Variants in ZFR2 observed in about 807,000 individuals in gnomAD.
The protein encoded by ZFR2 is zinc finger RNA binding protein 2.
In ZFR2, 104 loss-of-function variants were observed where a neutral mutation model predicts 105.7. That is an observed-to-expected ratio of 0.98 (90% CI 0.84 to 1.16). The LOEUF is 1.16. ZFR2 is among the 50% of genes most tolerant of loss of function. ZFR2 has a pLI of 0.00. For synonymous variants in ZFR2, 634 were observed against 597.7 expected, an observed-to-expected ratio of 1.06 and a Z score of -0.89; for missense variants, 1,425 against 1,355.5, an observed-to-expected ratio of 1.05 and a Z score of -0.80.
rs747011367 is a variant in ZFR2 at position 3,834,445 on chromosome 19, G to A, written c.264+328C>T. On this transcript the variant is annotated intron_variant, in intron 2 of 18. Transcript: ENST00000262961. The surrounding 1 kb of genome is among the most constrained non-coding windows in gnomAD (Gnocchi z 5.3). ...GGCCGAGGCCATCTGCCCTGACCAGGGAGGGGTCCTGTAACCCAGGCGACC... is the reference window on the plus strand; with the variant it reads ...GGCCGAGGCCATCTGCCCTGACCAGAGAGGGGTCCTGTAACCCAGGCGACC... Among the ~76,000 whole-genome samples, 1 of 152,132 alleles carries A rather than the reference G, an allele frequency of 6.6e-6. No homozygotes were observed. Among genetic ancestry groups the A allele is most frequent in the Non-Finnish European group, 1.5e-5 (1 of 68,014 alleles).
intron 1 of ZFR2, among the ~76,000 whole-genome samples, chr19:3,857,342 A>T (rs1427785147): frequency 6.6e-6 from 1 of 152,026 alleles, no homozygotes. Flanking sequence ...CACGGCCTGC[A>T]GGCTGTCAAT....
At chr19:3,812,384 A>C (rs1279202571) in intron 14 of ZFR2, among the ~76,000 whole-genome samples, 1 of 152,120 alleles carries the variant, frequency 6.6e-6, no homozygotes, top group Non-Finnish European at 1.5e-5. Flanking sequence ...CCGACCTAAA[A>C]AGGGAGTTTT....
chr19:3,815,065 C>T (rs1463179822), intron 13 of ZFR2, among the ~76,000 whole-genome samples: 1 of 152,124 alleles, frequency 6.6e-6, no homozygotes, highest in Admixed American at 6.6e-5. Flanking sequence ...GAAGGAACGA[C>T]TCTGGGGACT....
Position 3,819,104 on chromosome 19 carries a change from C to T in ZFR2, c.1872G>A (p.Val624=). ...VSHAERALKL[V]SDTLAEEDRG... is the part of the protein sequence containing the mutation. ...GGTCCTCCTCGGCCAGTGTGTCGGA[C>T]ACCAGCTTGAGGGCCCGCTCTGCGT... Residue 624 remains valine, a synonymous_variant, in exon 12 of 19, where the codon GTG becomes GTA. Coordinates refer to ENST00000262961, the MANE Select transcript of ZFR2 (RefSeq NM_015174.2). 6.2e-7 allele frequency: 1 copy of T among 1,612,404 alleles called. No homozygotes were observed. The highest frequency in any genetic ancestry group is 8.5e-7 in the Non-Finnish European group (1 of 1,179,786).
chr19:3,811,811 A>G (rs1220693158), intron 14 of ZFR2, among the ~76,000 whole-genome samples: 1 of 151,732 alleles, frequency 6.6e-6, no homozygotes, highest in Non-Finnish European at 1.5e-5. Context: ...CCCAGGCTGG[A>G]GTGCAGTGGT....
chr19:3,855,068 A>C (rs1287610025), intron 1 of ZFR2, among the ~76,000 whole-genome samples: 1 of 151,432 alleles, frequency 6.6e-6, no homozygotes, highest in African/African-American at 2.4e-5. Flanking sequence ...CTAATTTTTT[A>C]AATTTTTGGT....
In ZFR2 at chr19:3,805,656, C is replaced by A. The variant is rs1040162479; in HGVS notation, c.*293G>T. 2 of 331,874 alleles carry A rather than the reference C, an allele frequency of 6.0e-6. No homozygotes were observed. Among genetic ancestry groups the A allele is most frequent in the Non-Finnish European group, 1.1e-5 (2 of 183,194 alleles). 20.6% of individuals were successfully genotyped at this position (331,874 alleles called of 1,614,324 possible). A position where few individuals can be genotyped will look rare whatever the true frequency, so the allele number is the denominator to read the frequency against. On this transcript the variant is annotated 3_prime_UTR_variant, in exon 19 of 19. Coordinates refer to ENST00000262961, the MANE Select transcript of ZFR2 (RefSeq NM_015174.2). ...GTGAATCACCGCGCCTGGCCACCAACCATGCCAAGCTGATTTTTAAAAATA... is the reference window on the plus strand; with the variant it reads ...GTGAATCACCGCGCCTGGCCACCAAACATGCCAAGCTGATTTTTAAAAATA...
At position 3,813,978 on chromosome 19, in the gene ZFR2, C is replaced by T; in HGVS notation, c.2104-20G>A. 6.2e-7 allele frequency: 1 copy of T among 1,613,132 alleles called. No homozygotes were observed. The highest frequency in any genetic ancestry group is 8.5e-7 in the Non-Finnish European group (1 of 1,179,566). ...CACCATCTGGGAGGGGTAAATACAA[C>T]ACAAGGCCACCTTACTGCAGCCCAG... is the stretch of plus-strand genomic sequence containing the variant. On this transcript the variant is annotated intron_variant, in intron 13 of 18. Transcript: ENST00000262961. This position sits in a 1 kb window ranked among gnomAD's most constrained non-coding sequence, Gnocchi z 4.4.
chr19:3,864,244 G>A (rs1322352816), intron 1 of ZFR2, among the ~76,000 whole-genome samples: 1 of 152,056 alleles, frequency 6.6e-6, no homozygotes, highest in Non-Finnish European at 1.5e-5. Context: ...AGGCATGGTG[G>A]TGCGCACCTG....
At chr19:3,850,967 G>A (rs1018333503) in intron 1 of ZFR2, among the ~76,000 whole-genome samples, 1 of 151,242 alleles carries the variant, frequency 6.6e-6, no homozygotes, top group Admixed American at 6.6e-5. Flanking sequence ...GCCACAGGAG[G>A]ACACTGTGAG....
chr19:3,860,590 C>T (rs1207190166), intron 1 of ZFR2, among the ~76,000 whole-genome samples: 2 of 152,148 alleles, frequency 1.3e-5, no homozygotes, highest in Non-Finnish European at 2.9e-5. Flanking sequence ...CATGGTCCCA[C>T]GTGGAGCTGG....
Position 3,856,792 on chromosome 19 carries a change from G to A in ZFR2, c.53+12173C>T, listed in dbSNP as rs371471535. Among the ~76,000 whole-genome samples, 386 of 149,998 alleles carry A rather than the reference G, an allele frequency of 2.6e-3. 2 individuals carry two copies. Among genetic ancestry groups the A allele is most frequent in the African/African-American group, 9.1e-3 (372 of 40,856 alleles). ...GTCGCCCAGGCTGGAGTGCAATGGC[G>A]CCATCTCGGCTCACTGCAACCTCCA... On this transcript the variant is annotated intron_variant, in intron 1 of 18. Transcript: ENST00000262961.
intron 1 of ZFR2, chr19:3,852,447 T>G (rs766214901): frequency 1.4e-6 from 1 of 718,188 alleles, no homozygotes; most frequent in South Asian, 1.5e-5. Flanking sequence ...AGGCCAGCCT[T>G]GGGTCCTTCA....
intron 14 of ZFR2, among the ~76,000 whole-genome samples, chr19:3,812,373 C>A (rs1204534474): frequency 6.6e-6 from 1 of 152,150 alleles, no homozygotes; most frequent in South Asian, 2.1e-4. Flanking sequence ...GGCCGCTGTG[C>A]CCGACCTAAA....
intron 1 of ZFR2, among the ~76,000 whole-genome samples, chr19:3,835,942 G>C (rs1165894440): frequency 6.6e-6 from 1 of 151,988 alleles, no homozygotes; most frequent in Non-Finnish European, 1.5e-5. Context: ...AACAGAGTAA[G>C]ACTCTGTCTC....
chr19:3,831,250 CGTT>C, intron 5 of ZFR2, 50 bp downstream of exon 5: 2 of 1,443,240 alleles, frequency 1.4e-6, no homozygotes, highest in Non-Finnish European at 1.8e-6. Flanking sequence ...CGGGTTCAGA[CGTT>C]GGGGACAGAG....
chr19:3,806,770 A>G (rs919796674), intron 18 of ZFR2, among the ~76,000 whole-genome samples: 1 of 152,226 alleles, frequency 6.6e-6, no homozygotes, highest in Non-Finnish European at 1.5e-5. Context: ...GTCAGACCCG[A>G]TGCGGTTTGG....
In ZFR2 at chr19:3,822,123, C is replaced by T. The variant is rs765234524; in HGVS notation, c.1449G>A (p.Lys483=). 27 of 1,610,322 alleles carry T rather than the reference C, an allele frequency of 1.7e-5. No individual in the cohort carries two copies. In the East Asian group the frequency reaches 2.0e-4, roughly 12 times the overall value. ...CECSFNDLNA[K]DLHVRGRRHR... ...GCCGCCGCCCCCTCACGTGCAGGTCCTTCGCGTTAAGGTCGTTGAAACTGC... is the reference window on the plus strand; with the variant it reads ...GCCGCCGCCCCCTCACGTGCAGGTCTTTCGCGTTAAGGTCGTTGAAACTGC... Residue 483 remains lysine, a synonymous_variant, in exon 9 of 19, where the codon AAG becomes AAA. Coordinates refer to ENST00000262961, the MANE Select transcript of ZFR2 (RefSeq NM_015174.2).
chr19:3,809,741 C>T (rs530303520), intron 16 of ZFR2, among the ~76,000 whole-genome samples: 4 of 152,042 alleles, frequency 2.6e-5, no homozygotes, highest in East Asian at 1.9e-4. Flanking sequence ...GTCAGGAGTT[C>T]GAGACCATCC....
Sources: allele counts gnomAD v4.1 joint callset (sites outside exome capture counted in the v4.1 genomes callset), GRCh38; gene constraint gnomAD v4.1.1; non-coding constraint Gnocchi (gnomAD v3.1); transcripts MANE v1.5; gene names NCBI Gene and HGNC (gene_info 2026-07-23, HGNC 2026-07-21).